The following MME variants were observed in gnomAD, a reference collection of about 807,000 sequenced individuals.
The protein encoded by MME is membrane metalloendopeptidase, also known as neprilysin.
MME carries 98 observed loss-of-function variants against 113.2 expected under a neutral mutation model. That is an observed-to-expected ratio of 0.87 (90% CI 0.74 to 1.02). MME has a LOEUF of 1.02. Among genes scored for constraint, MME ranks in the 50% least tolerant of loss-of-function variants. The pLI, the probability that MME is intolerant of heterozygous loss-of-function variation, is 0.00. For missense variants in MME, 836 were observed against 896.0 expected (o/e 0.93, Z 0.86); for synonymous variants, 292 against 300.6 (o/e 0.97, Z 0.30).
upstream of MME, among the ~76,000 whole-genome samples, chr3:155,076,973 T>C (rs1028789766): frequency 2.2e-4 from 34 of 152,168 alleles, no homozygotes; most frequent in Non-Finnish European, 8.8e-5. Flanking sequence ...TTCTTTACAG[T>C]ATCCTGTTTC....
At chr3:155,177,168 C>T (rs1239568933) in intron 22 of MME, among the ~76,000 whole-genome samples, 2 of 151,894 alleles carry the variant, frequency 1.3e-5, no homozygotes, top group South Asian at 2.1e-4. Context: ...ACATTATTAC[C>T]GAAGTACTTG....
chr3:155,066,826 T>G (rs902962136), intron 1 of MME, among the ~76,000 whole-genome samples: 1 of 152,230 alleles, frequency 6.6e-6, no homozygotes, highest in South Asian at 2.1e-4. Context: ...CAGCTATTAC[T>G]ACAGAGATGT....
At chr3:155,038,833 G>A (rs185009241) in intron 1 of MME, among the ~76,000 whole-genome samples, 77 of 151,848 alleles carry the variant, frequency 5.1e-4, no homozygotes, top group African/African-American at 1.8e-3. Flanking sequence ...AGCACTTTAC[G>A]GCCTCTCTTT....
intron 20 of MME, among the ~76,000 whole-genome samples, chr3:155,171,414 T>C (rs921223956): frequency 2.0e-5 from 3 of 152,196 alleles, no homozygotes; most frequent in Admixed American, 1.3e-4. Context: ...AAATTGGAAA[T>C]GACACATCTC....
intron 1 of MME, among the ~76,000 whole-genome samples, chr3:155,057,662 C>T (rs533283744): frequency 6.6e-6 from 1 of 151,772 alleles, no homozygotes; most frequent in South Asian, 2.1e-4. Flanking sequence ...TGTGTTTTCC[C>T]CAAGCTGACC....
At chr3:155,126,464 C>T (rs1262767359) in intron 8 of MME, among the ~76,000 whole-genome samples, 2 of 151,180 alleles carry the variant, frequency 1.3e-5, no homozygotes, top group Non-Finnish European at 2.9e-5. Flanking sequence ...TCAATGCTAT[C>T]CCATAATCTC....
In MME at chr3:155,057,352, A is replaced by G. The variant is rs1028593703; in HGVS notation, c.-10-26806A>G. 6.1e-4 allele frequency among the ~76,000 whole-genome samples: 92 copies of G among 151,532 alleles called. 6 individuals are homozygous for G. Among genetic ancestry groups the G allele is most frequent in the African/African-American group, 2.4e-5 (1 of 41,246 alleles). On this transcript the variant is annotated intron_variant, in intron 1 of 22. Transcript: ENST00000492661. ...CCAAAAAACACATGAAAAAATGCTC[A>G]TCATCACTGGCCATCAGAGAAATGC...
Position 155,115,016 on chromosome 3 carries a change from G to T in MME, c.219G>T (p.Met73Ile). 6.2e-7 allele frequency: 1 copy of T among 1,614,014 alleles called. No individual in the cohort carries two copies. Among genetic ancestry groups the T allele is most frequent in the Non-Finnish European group, 8.5e-7 (1 of 1,179,972 alleles). ...IKSAARLIQN[M>I]DATTEPCTDF... is the part of the protein sequence containing the mutation. ...CAGCTGCTCGACTGATCCAAAACAT[G>T]GATGCCACCACTGAGCCTTGTACAG... Residue 73 changes from methionine to isoleucine, a missense_variant, in exon 4 of 23, where the codon ATG becomes ATT. Transcript: ENST00000360490.
chr3:155,091,473 G>A (rs1716293830), intron 3 of MME, among the ~76,000 whole-genome samples: 5 of 152,192 alleles, frequency 3.3e-5, no homozygotes, highest in Admixed American at 3.3e-4. Context: ...GGTAAGCTAA[G>A]TGGTACTCCA....
At position 155,027,357 on chromosome 3, in the gene MME, G is replaced by A. The variant is rs138897864; in HGVS notation, c.-11+3033G>A. Among the ~76,000 whole-genome samples, 761 of 152,254 alleles carry A rather than the reference G, an allele frequency of 5.0e-3. 5 individuals carry two copies. The highest frequency in any genetic ancestry group is 7.0e-3 in the Non-Finnish European group (476 of 68,018). Reference sequence around the variant, plus strand: ...ATCTGATCTTACACTCCTATTTCCTGTAAAGTCTAAAGCCCTGGGCAAGGT... The same window carrying A: ...ATCTGATCTTACACTCCTATTTCCTATAAAGTCTAAAGCCCTGGGCAAGGT... On this transcript the variant is annotated intron_variant, in intron 1 of 22. Transcript: ENST00000492661.
chr3:155,036,792 T>G (rs1713143697), intron 1 of MME, among the ~76,000 whole-genome samples: 2 of 152,128 alleles, frequency 1.3e-5, no homozygotes, highest in South Asian at 2.1e-4. Flanking sequence ...GTTTGTGTAT[T>G]TAATTTTCAA....
At chr3:155,079,449 T>C (rs1216833930), upstream of MME, among the ~76,000 whole-genome samples, 8 of 151,936 alleles carry the variant, frequency 5.3e-5, no homozygotes. Flanking sequence ...GCAAAGCCCT[T>C]TTGGGAATGG....
chr3:155,141,853 T>C, intron 10 of MME, 138 bp from the exon 11 acceptor site: 1 of 932,438 alleles, frequency 1.1e-6, no homozygotes, highest in Non-Finnish European at 1.6e-6. Context: ...CTAGTTTTTA[T>C]TTAAAAACTG....
chr3:155,153,753 C>T (rs1722119001), intron 16 of MME, among the ~76,000 whole-genome samples: 1 of 152,120 alleles, frequency 6.6e-6, no homozygotes, highest in East Asian at 1.9e-4. Flanking sequence ...TGCTGTTCTG[C>T]ATCAAAATGA....
rs747955802 is a variant in MME at position 155,167,027 on chromosome 3, G to A, written c.1780+6G>A. 3.1e-6 allele frequency: 5 copies of A among 1,613,364 alleles called. No homozygotes were observed. The African/African-American group carries it at 5.3e-5, about 17-fold the overall frequency. Reference sequence around the variant, plus strand: ...CCATGGCTTCGATGACAATGGTAAAGTGCAGTTGACATTTTCCTTTGGCTG... The same window carrying A: ...CCATGGCTTCGATGACAATGGTAAAATGCAGTTGACATTTTCCTTTGGCTG... On this transcript the variant is annotated splice_donor_region_variant and intron_variant, in intron 18 of 22. Transcript: ENST00000360490.
chr3:155,111,588 A>C (rs1400475208), intron 3 of MME, among the ~76,000 whole-genome samples: 1 of 152,202 alleles, frequency 6.6e-6, no homozygotes, highest in Admixed American at 6.5e-5. Flanking sequence ...TGCACTCATG[A>C]TCAGAGAACT....
chr3:155,170,069 G>A (rs933051811), intron 20 of MME, among the ~76,000 whole-genome samples: 1 of 151,862 alleles, frequency 6.6e-6, no homozygotes, highest in African/African-American at 2.4e-5. Context: ...TTTTTGAGAT[G>A]GAGTCTCATT....
chr3:155,165,734 G>A (rs1233779710), intron 17 of MME, among the ~76,000 whole-genome samples: 1 of 152,120 alleles, frequency 6.6e-6, no homozygotes. Flanking sequence ...GACAGGAGAA[G>A]ATAAAGATGC....
At chr3:155,159,506 G>T (rs1271907514) in intron 16 of MME, among the ~76,000 whole-genome samples, 1 of 151,970 alleles carries the variant, frequency 6.6e-6, no homozygotes, top group Non-Finnish European at 1.5e-5. Flanking sequence ...GTCCTGTTGC[G>T]CAAAATTTCT....
Sources: allele counts gnomAD v4.1 joint callset (sites outside exome capture counted in the v4.1 genomes callset), GRCh38; gene constraint gnomAD v4.1.1; transcripts MANE v1.5; gene names NCBI Gene and HGNC (gene_info 2026-07-23, HGNC 2026-07-21).